AIFM1: variants seen among roughly 807,000 people sequenced by gnomAD.
AIFM1 encodes the protein apoptosis inducing factor mitochondria associated 1.
In AIFM1, 3 loss-of-function variants were observed where a neutral mutation model predicts 51.7. The ratio of observed to expected loss-of-function variants is 0.06; its 90% CI spans 0.03 to 0.15. The LOEUF (loss-of-function observed/expected upper bound fraction) is 0.15, where lower values mean the gene tolerates loss of function less well. Ranked by LOEUF, AIFM1 falls within the 10% of genes least tolerant of loss-of-function variation. The pLI, the probability that AIFM1 is intolerant of heterozygous loss-of-function variation, is 1.00. For synonymous variants in AIFM1, 178 were observed against 179.4 expected, an observed-to-expected ratio of 0.99 and a Z score of 0.06; for missense variants, 330 against 476.8, an observed-to-expected ratio of 0.69 and a Z score of 2.87.
chrX:130,139,879 T>G lies in AIFM1; in HGVS notation c.782-8A>C. On this transcript the variant is annotated splice_region_variant and splice_polypyrimidine_tract_variant and intron_variant, in intron 7 of 15. Coordinates refer to ENST00000287295, the MANE Select transcript of AIFM1 (RefSeq NM_004208.4). ...GACTTCTTGGAGTACCTCCTGGAAA[T>G]AAGAGAAGGAAAACCCTTTAGCCCA... 2 of 1,203,162 alleles carry G rather than the reference T, an allele frequency of 1.7e-6. No individual in the cohort carries two copies.
intron 12 of AIFM1, 131 bp downstream of exon 12, chrX:130,135,914 T>C: frequency 1.0e-5 from 9 of 894,114 alleles, no homozygotes; most frequent in Non-Finnish European, 1.5e-5. Context: ...ATTTCTATTC[T>C]GTACCCTCAG....
At position 130,153,089 on chromosome X, in the gene AIFM1, T is replaced by G. The variant is rs759352948; in HGVS notation, c.249+3372A>C. 1.6e-4 allele frequency among the ~76,000 whole-genome samples: 17 copies of G among 107,775 alleles called. No individual in the cohort carries two copies. In the South Asian group the frequency reaches 6.7e-3, roughly 42 times the overall value. 93.6% of individuals were successfully genotyped at this position (107,775 alleles called of 115,157 possible). On this transcript the variant is annotated intron_variant, in intron 2 of 15. Coordinates refer to ENST00000287295, the MANE Select transcript of AIFM1 (RefSeq NM_004208.4). ...GGCTCACGCCTGTAATCCCAGCACT[T>G]TGGGAGGCCGAGGCGGGTGGATCAC...
At chrX:130,134,303 T>C (rs148297018) in intron 12 of AIFM1, among the ~76,000 whole-genome samples, 1 of 111,421 alleles carries the variant, frequency 9.0e-6, no homozygotes, top group Non-Finnish European at 1.9e-5. Flanking sequence ...TATAGTTTTG[T>C]TTACTTATGT....
At chrX:130,133,839 G>A (rs1603221173) in intron 12 of AIFM1, among the ~76,000 whole-genome samples, 1 of 106,939 alleles carries the variant, frequency 9.4e-6, no homozygotes, top group Admixed American at 1.0e-4. Flanking sequence ...GCCATGTTGC[G>A]CAGGCTGGTT....
chrX:130,146,324 G>T (rs190152115), intron 5 of AIFM1, among the ~76,000 whole-genome samples: 1 of 109,166 alleles, frequency 9.2e-6, no homozygotes, highest in East Asian at 2.9e-4. Context: ...CGCACCTGTA[G>T]TCCTAGCTAC....
At chrX:130,143,240 G>A (rs1246197670) in intron 6 of AIFM1, among the ~76,000 whole-genome samples, 1 of 111,567 alleles carries the variant, frequency 9.0e-6, no homozygotes, top group Non-Finnish European at 1.9e-5. Context: ...CTCTCTATCT[G>A]AGCCCAAGTC....
At chrX:130,140,977 G>C (rs1411768447) in intron 6 of AIFM1, among the ~76,000 whole-genome samples, 1 of 112,057 alleles carries the variant, frequency 8.9e-6, no homozygotes, top group Non-Finnish European at 1.9e-5. Flanking sequence ...TTGGCCAGGT[G>C]TGGCGGCATA....
chrX:130,162,474 G>A (rs1603231959), intron 1 of AIFM1, among the ~76,000 whole-genome samples: 2 of 112,312 alleles, frequency 1.8e-5, no homozygotes, highest in East Asian at 5.5e-4. Context: ...CTAGAAGAAA[G>A]CTAAGACATG....
At chrX:130,143,651 G>A (rs1447114407) in intron 6 of AIFM1, among the ~76,000 whole-genome samples, 1 of 107,189 alleles carries the variant, frequency 9.3e-6, no homozygotes, top group African/African-American at 3.4e-5. Flanking sequence ...AGGAGTTCGA[G>A]ACCAACCTGG....
chrX:130,165,759 C>T lies in AIFM1; in HGVS notation c.-103G>A, dbSNP rs1009990646. Reference sequence around the variant, plus strand: ...GGCCAGCTCCCCCAGTCTCTTCACACGCACATTACGCAGACTCCTCCTCCC... The same window carrying T: ...GGCCAGCTCCCCCAGTCTCTTCACATGCACATTACGCAGACTCCTCCTCCC... On this transcript the variant is annotated 5_prime_UTR_variant, in exon 1 of 16. In the 5' UTR this introduces an upstream ATG that the reference lacks. Coordinates refer to ENST00000287295, the MANE Select transcript of AIFM1 (RefSeq NM_004208.4). 4.6e-6 allele frequency: 3 copies of T among 658,543 alleles called. No individual in the cohort carries two copies. Among genetic ancestry groups the T allele is most frequent in the Non-Finnish European group, 7.3e-6 (3 of 408,428 alleles). The allele number at this position is 658,543 out of a possible 1,213,427, so 54.3% of individuals were successfully genotyped here.
At chrX:130,142,184 G>A (rs1017163848) in intron 6 of AIFM1, among the ~76,000 whole-genome samples, 1 of 112,166 alleles carries the variant, frequency 8.9e-6, no homozygotes, top group East Asian at 2.8e-4. Flanking sequence ...CAAATGTGAT[G>A]TAAGTGGTAA....
intron 15 of AIFM1, 110 bp downstream of exon 15, chrX:130,129,860 C>A (rs768940894): frequency 3.0e-6 from 3 of 986,560 alleles, no homozygotes; most frequent in East Asian, 3.1e-5. Flanking sequence ...TGCTCAGGCA[C>A]AATTTGACCT....
intron 2 of AIFM1, chrX:130,155,180 T>C (rs2031123344): frequency 8.3e-7 from 1 of 1,211,796 alleles, no homozygotes; most frequent in African/African-American, 1.7e-5. Context: ...CCCCAGTGAC[T>C]GTTGCTCCTA....
In AIFM1 at chrX:130,138,657, T is replaced by C. The variant is rs1402904195; in HGVS notation, c.903A>G (p.Lys301=). The C allele has an allele frequency of 8.3e-7, 1 of 1,210,405 alleles. No individual in the cohort carries two copies. Among genetic ancestry groups the C allele is most frequent in the Non-Finnish European group, 1.1e-6 (1 of 894,667 alleles). ...AGCCCCCACCGATAATCGTAATTGATTTGACTTCCCGTGAAATCTTCTCCA... is the reference window on the plus strand; with the variant it reads ...AGCCCCCACCGATAATCGTAATTGACTTGACTTCCCGTGAAATCTTCTCCA... ...RSLEKISREV[K]SITIIGGGFL... is the part of the protein sequence containing the mutation. Residue 301 remains lysine (K), a synonymous_variant, in exon 9 of 16, where the codon AAA becomes AAG. Coordinates refer to ENST00000287295, the MANE Select transcript of AIFM1 (RefSeq NM_004208.4).
intron 2 of AIFM1, chrX:130,155,359 A>G: frequency 8.7e-7 from 1 of 1,143,945 alleles, no homozygotes; most frequent in Non-Finnish European, 1.2e-6. Context: ...GAAACATTCA[A>G]TACAAAGGCA....
intron 6 of AIFM1, among the ~76,000 whole-genome samples, chrX:130,142,165 C>CAAGAGTGACAAATGTGATGT (rs2030599307): frequency 1.8e-5 from 2 of 111,953 alleles, no homozygotes; most frequent in Admixed American, 1.9e-4. Context: ...TAACAATAAT[C>CAAGAGTGACAAATGTGATGT]AAGAGTGACA....
At chrX:130,160,932 CTT>C (rs1487240007) in intron 1 of AIFM1, among the ~76,000 whole-genome samples, 5 of 109,035 alleles carry the variant, frequency 4.6e-5, no homozygotes, top group South Asian at 3.8e-4. Context: ...AAAAAATAAA[CTT>C]AAGAGTTTTT....
chrX:130,137,368 G>A, intron 9 of AIFM1, 183 bp from the exon 10 acceptor site: 5 of 1,154,440 alleles, frequency 4.3e-6, no homozygotes, highest in Non-Finnish European at 4.6e-6. Context: ...CATTTGTAAC[G>A]CAAATACAAC....
chrX:130,130,753 G>C (rs1427022208), intron 14 of AIFM1, among the ~76,000 whole-genome samples: 1 of 111,955 alleles, frequency 8.9e-6, no homozygotes, highest in Non-Finnish European at 1.9e-5. Context: ...AAAGCAGAAG[G>C]CACTTCCATT....
Sources: gnomAD v4.1 joint callset for allele counts (sites outside exome capture counted in the v4.1 genomes callset) on GRCh38, gnomAD v4.1.1 for gene constraint, MANE v1.5 for transcripts, NCBI Gene and HGNC (gene_info 2026-07-23, HGNC 2026-07-21) for gene names.